GATB: variants seen among roughly 807,000 people sequenced by gnomAD.
GATB encodes glutamyl-tRNA amidotransferase subunit B.
In GATB, 39 loss-of-function variants were observed where a neutral mutation model predicts 62.3. That is an observed-to-expected ratio of 0.63 (90% CI 0.48 to 0.82). The LOEUF (loss-of-function observed/expected upper bound fraction) is 0.82. GATB is among the 40% of genes least tolerant of loss of function. GATB has a pLI of 0.00. For synonymous variants in GATB, 276 were observed against 258.9 expected (o/e 1.07, Z -0.63); for missense variants, 670 against 684.0 (o/e 0.98, Z 0.23).
chr4:151,704,002 CTG>C (rs1444194261), intron 7 of GATB, 107 bp from the exon 8 acceptor site: 1 of 697,862 alleles, frequency 1.4e-6, no homozygotes, highest in African/African-American at 1.8e-5. Flanking sequence ...AAATCAAACT[CTG>C]TGGACTTCCA....
At chr4:151,728,214 G>A (rs1433619624) in intron 2 of GATB, among the ~76,000 whole-genome samples, 2 of 152,194 alleles carry the variant, frequency 1.3e-5, no homozygotes, top group African/African-American at 2.4e-5. Flanking sequence ...TAAAAGAAAC[G>A]AGCTTCTAAC....
chr4:151,741,164 T>G (rs1739477683), intron 2 of GATB, among the ~76,000 whole-genome samples: 1 of 152,272 alleles, frequency 6.6e-6, no homozygotes, highest in South Asian at 2.1e-4. Context: ...TGATGAAGTT[T>G]AATTTATAAA....
intron 9 of GATB, among the ~76,000 whole-genome samples, chr4:151,697,961 A>G (rs1458082349): frequency 1.2e-4 from 7 of 58,478 alleles, no homozygotes; most frequent in East Asian, 5.0e-4. Flanking sequence ...GTGTATATAT[A>G]TATATATATA....
chr4:151,754,378 T>G (rs558456230), intron 2 of GATB, among the ~76,000 whole-genome samples: 1 of 152,246 alleles, frequency 6.6e-6, no homozygotes, highest in Non-Finnish European at 1.5e-5. Context: ...ACTCTTCCTA[T>G]GTGCTCCTCA....
chr4:151,710,411 C>T (rs536567661), intron 5 of GATB, among the ~76,000 whole-genome samples: 67 of 152,334 alleles, frequency 4.4e-4, no homozygotes, highest in South Asian at 3.9e-3. Context: ...ACTCATCTAT[C>T]GTTTCTCTGG....
At chr4:151,698,265 A>G (rs61319313) in intron 9 of GATB, among the ~76,000 whole-genome samples, 3,156 of 152,142 alleles carry the variant, frequency 0.021, 90 homozygotes, top group African/African-American at 0.071. Context: ...ACGCTAAAGC[A>G]TAACATTAGA....
intron 9 of GATB, among the ~76,000 whole-genome samples, chr4:151,695,101 T>A (rs1224707968): frequency 6.6e-6 from 1 of 152,110 alleles, no homozygotes; most frequent in Non-Finnish European, 1.5e-5. Context: ...CGCAAGTACA[T>A]CTTCCTACAG....
At chr4:151,740,544 T>C (rs1438048988) in intron 2 of GATB, among the ~76,000 whole-genome samples, 3 of 152,236 alleles carry the variant, frequency 2.0e-5, no homozygotes, top group Non-Finnish European at 2.9e-5. Context: ...TCAGCTCCAC[T>C]GTAATTTTAT....
At chr4:151,760,528 A>C (rs1739931731) in intron 1 of GATB, among the ~76,000 whole-genome samples, 1 of 152,208 alleles carries the variant, frequency 6.6e-6, no homozygotes, top group Non-Finnish European at 1.5e-5. Flanking sequence ...AGATGACCGA[A>C]TCCACTCTTC....
chr4:151,709,624 C>G (rs781139324), intron 5 of GATB, among the ~76,000 whole-genome samples: 1 of 152,168 alleles, frequency 6.6e-6, no homozygotes, highest in Non-Finnish European at 1.5e-5. Context: ...ATGTCTGTCA[C>G]GGCCTTTCCA....
chr4:151,679,850 A>G lies in GATB; in HGVS notation c.1373T>C (p.Leu458Pro). ...PSALAELLDL[L>P]DSRTISSSAA... Reference sequence around the variant, plus strand: ...TGATGAAGAAATTGTTCTGCTGTCCAGCAGGTCAAGAAGCTCAGCGAGTGC... The same window carrying G: ...TGATGAAGAAATTGTTCTGCTGTCCGGCAGGTCAAGAAGCTCAGCGAGTGC... Residue 458 changes from leucine to proline, a missense_variant, in exon 11 of 13, where the codon CTG (leucine) becomes CCG (proline). Leu to Pro is a moderately conservative substitution (Grantham distance 98). Coordinates refer to ENST00000263985, the MANE Select transcript of GATB (RefSeq NM_004564.3). 2 of 1,614,206 alleles carry G rather than the reference A, an allele frequency of 1.2e-6. No homozygotes were observed. The highest frequency in any genetic ancestry group is 1.7e-6 in the Non-Finnish European group (2 of 1,180,028).
chr4:151,717,452 T>C (rs142786572), intron 3 of GATB: 1 of 201,646 alleles, frequency 5.0e-6, no homozygotes, highest in African/African-American at 2.4e-5. Context: ...CTGCATCTCA[T>C]TACCAGGCTC....
intron 2 of GATB, among the ~76,000 whole-genome samples, chr4:151,758,131 C>T (rs1409391855): frequency 6.6e-6 from 1 of 152,154 alleles, no homozygotes; most frequent in Non-Finnish European, 1.5e-5. Context: ...CTGTTTTCTA[C>T]ATTATTGAGT....
chr4:151,744,239 C>T (rs981601257), intron 2 of GATB, among the ~76,000 whole-genome samples: 4 of 152,104 alleles, frequency 2.6e-5, no homozygotes, highest in Non-Finnish European at 5.9e-5. Context: ...ATGGATGCCT[C>T]GTGTGTGTAC....
At chr4:151,750,293 C>T (rs1466553967) in intron 2 of GATB, among the ~76,000 whole-genome samples, 1 of 152,180 alleles carries the variant, frequency 6.6e-6, no homozygotes, top group Non-Finnish European at 1.5e-5. Context: ...CTGTTCCTGG[C>T]AGCAACCACC....
At chr4:151,718,916 G>C (rs1359990402) in intron 3 of GATB, among the ~76,000 whole-genome samples, 1 of 152,160 alleles carries the variant, frequency 6.6e-6, no homozygotes, top group Non-Finnish European at 1.5e-5. Flanking sequence ...TACTGTTCTT[G>C]GTCCAGATTT....
At chr4:151,689,931 G>A (rs1738329437) in intron 9 of GATB, among the ~76,000 whole-genome samples, 1 of 152,142 alleles carries the variant, frequency 6.6e-6, no homozygotes, top group Admixed American at 6.5e-5. Flanking sequence ...AATAAAAACT[G>A]TGCTGCTCAG....
rs114316855 is a variant in GATB at position 151,701,204 on chromosome 4, A to G, written c.1197+125T>C. The G allele has an allele frequency of 7.2e-4, 424 of 587,670 alleles. 1 individual carries two copies. Among genetic ancestry groups the G allele is most frequent in the African/African-American group, 7.1e-3 (376 of 52,588 alleles). The allele number at this position is 587,670 out of a possible 1,614,324, so 36.4% of individuals were successfully genotyped here. On this transcript the variant is annotated intron_variant, in intron 9 of 12. Coordinates refer to ENST00000263985, the MANE Select transcript of GATB (RefSeq NM_004564.3). ...TCTTATTCTTCTCAGTAGCATCTATAGTACAACCCAAGAAACACGCCCACC... is the reference window on the plus strand; with the variant it reads ...TCTTATTCTTCTCAGTAGCATCTATGGTACAACCCAAGAAACACGCCCACC...
chr4:151,683,513 G>A (rs916492302), intron 10 of GATB, among the ~76,000 whole-genome samples: 5 of 152,180 alleles, frequency 3.3e-5, no homozygotes, highest in African/African-American at 1.2e-4. Context: ...CCCTAGCCGT[G>A]AGGAGGATGC....
Sources: gnomAD v4.1 joint callset for allele counts (sites outside exome capture counted in the v4.1 genomes callset) on GRCh38, gnomAD v4.1.1 for gene constraint, MANE v1.5 for transcripts, NCBI Gene and HGNC (gene_info 2026-07-23, HGNC 2026-07-21) for gene names.